EYS: variants seen among roughly 807,000 people sequenced by gnomAD.
EYS encodes the protein protein eyes shut homolog.
In EYS, 250 loss-of-function variants were observed where a neutral mutation model predicts 282.1. The observed-to-expected ratio is 0.89, with a 90% CI of 0.80 to 0.98. EYS has a LOEUF of 0.98. Among genes scored for constraint, EYS ranks in the 50% least tolerant of loss-of-function variants. EYS has a pLI of 0.00. For missense variants in EYS, 4,016 were observed against 3,709.0 expected, an observed-to-expected ratio of 1.08 and a Z score of -2.15; for synonymous variants, 1,355 against 1,282.9, an observed-to-expected ratio of 1.06 and a Z score of -1.20.
chr6:64,811,941 T>G (rs138335983), intron 22 of EYS, among the ~76,000 whole-genome samples: 44 of 152,288 alleles, frequency 2.9e-4, no homozygotes, highest in Admixed American at 7.2e-4. Context: ...TTTAGGTTTA[T>G]GTTTACTTAT....
chr6:65,400,076 C>A (rs1470523851), intron 7 of EYS, among the ~76,000 whole-genome samples: 1 of 151,874 alleles, frequency 6.6e-6, no homozygotes, highest in Non-Finnish European at 1.5e-5. Context: ...CCAAATATAC[C>A]TTGAAAAAAT....
At chr6:64,154,730 TTAAG>T (rs202210090) in intron 31 of EYS, among the ~76,000 whole-genome samples, 1 of 152,010 alleles carries the variant, frequency 6.6e-6, no homozygotes, top group African/African-American at 2.4e-5. Flanking sequence ...ATTGTTGTCT[TTAAG>T]TAAATATTTT....
intron 26 of EYS, among the ~76,000 whole-genome samples, chr6:64,450,846 A>G (rs965914069): frequency 6.6e-6 from 1 of 152,226 alleles, no homozygotes; most frequent in Non-Finnish European, 1.5e-5. Context: ...TCTCAGGGAC[A>G]CATTCAAAGC....
At chr6:64,358,039 G>A (rs1267888258) in intron 29 of EYS, among the ~76,000 whole-genome samples, 1 of 151,628 alleles carries the variant, frequency 6.6e-6, no homozygotes, top group Non-Finnish European at 1.5e-5. Flanking sequence ...ATGTCTTTTG[G>A]TGACTAAAAT....
chr6:64,315,087 G>C (rs571523804), intron 29 of EYS, among the ~76,000 whole-genome samples: 8 of 152,030 alleles, frequency 5.3e-5, no homozygotes, highest in African/African-American at 1.9e-4. Flanking sequence ...AAATGATAAA[G>C]GGGATATCAC....
chr6:65,424,832 A>G (rs149111705), intron 5 of EYS, among the ~76,000 whole-genome samples: 312 of 152,180 alleles, frequency 2.1e-3, no homozygotes, highest in Non-Finnish European at 3.4e-3. Flanking sequence ...TATTATTAAT[A>G]AAAAGCAGGG....
chr6:65,023,593 C>T (rs1019102716), intron 13 of EYS, among the ~76,000 whole-genome samples: 1 of 152,078 alleles, frequency 6.6e-6, no homozygotes, highest in Admixed American at 6.6e-5. Context: ...CCACAATTTG[C>T]AGTAAGAAAA....
At chr6:65,337,920 T>C (rs931082635) in intron 10 of EYS, among the ~76,000 whole-genome samples, 33 of 151,008 alleles carry the variant, frequency 2.2e-4, no homozygotes, top group African/African-American at 8.0e-4. Flanking sequence ...AACACAGACT[T>C]ACTTCATATA....
intron 26 of EYS, among the ~76,000 whole-genome samples, chr6:64,497,220 A>T (rs1776917900): frequency 6.6e-6 from 1 of 152,108 alleles, no homozygotes; most frequent in South Asian, 2.1e-4. Context: ...CAGAAGACAA[A>T]ATTTTATCTG....
intron 19 of EYS, among the ~76,000 whole-genome samples, chr6:64,874,966 A>G (rs1159811031): frequency 6.7e-6 from 1 of 149,300 alleles, no homozygotes; most frequent in Non-Finnish European, 1.5e-5. Context: ...CAAATGCAGT[A>G]CTGCTCATTC....
chr6:64,955,792 G>A (rs901822266), intron 14 of EYS, among the ~76,000 whole-genome samples: 2 of 152,122 alleles, frequency 1.3e-5, no homozygotes, highest in African/African-American at 4.8e-5. Context: ...CAGAACCTAC[G>A]AAAGGCTTTC....
chr6:65,526,640 C>A (rs148612936), intron 2 of EYS, among the ~76,000 whole-genome samples: 232 of 152,120 alleles, frequency 1.5e-3, no homozygotes, highest in African/African-American at 5.3e-3. Context: ...CCCGTCTCTA[C>A]TAAAAAATAC....
intron 35 of EYS, among the ~76,000 whole-genome samples, chr6:63,951,840 A>C (rs1049728014): frequency 3.3e-5 from 5 of 152,316 alleles, no homozygotes; most frequent in Middle Eastern, 3.4e-3. Flanking sequence ...ATAAAAACCC[A>C]GCCCATTTCA....
intron 29 of EYS, among the ~76,000 whole-genome samples, chr6:64,369,842 T>C (rs981965642): frequency 1.3e-5 from 2 of 151,968 alleles, no homozygotes; most frequent in Non-Finnish European, 1.5e-5. Flanking sequence ...GATATTGTTG[T>C]TGTATAGGAC....
At chr6:65,434,618 C>A (rs948284538) in intron 5 of EYS, among the ~76,000 whole-genome samples, 10 of 152,224 alleles carry the variant, frequency 6.6e-5, no homozygotes, top group African/African-American at 2.4e-4. Context: ...CGCGCCCGGC[C>A]ACAAAAATTT....
intron 28 of EYS, among the ~76,000 whole-genome samples, chr6:64,403,666 CT>C (rs1188474706): frequency 1.3e-5 from 2 of 148,372 alleles, no homozygotes; most frequent in Admixed American, 1.3e-4. Flanking sequence ...CTGAAAGTAA[CT>C]TTTAAATTTA....
intron 12 of EYS, among the ~76,000 whole-genome samples, chr6:65,126,521 C>T (rs1314993901): frequency 6.6e-6 from 1 of 152,104 alleles, no homozygotes. Flanking sequence ...AATAGGCAAG[C>T]ACCTGCCTGA....
intron 22 of EYS, among the ~76,000 whole-genome samples, chr6:64,674,057 T>G (rs1769562110): frequency 6.6e-6 from 1 of 152,074 alleles, no homozygotes; most frequent in African/African-American, 2.4e-5. Flanking sequence ...AAAATATATA[T>G]GCAGATGACA....
chr6:65,269,153 T>C (rs1767833784), intron 12 of EYS, among the ~76,000 whole-genome samples: 1 of 152,152 alleles, frequency 6.6e-6, no homozygotes, highest in South Asian at 2.1e-4. Flanking sequence ...ATAATTCAAA[T>C]ATAGTTTCTA....
Sources: allele counts gnomAD v4.1 joint callset (sites outside exome capture counted in the v4.1 genomes callset), GRCh38; gene constraint gnomAD v4.1.1; transcripts MANE v1.5; gene names NCBI Gene and HGNC (gene_info 2026-07-23, HGNC 2026-07-21).